The following CYSTM1 variants were observed in gnomAD, a reference collection of about 807,000 sequenced individuals.
The protein encoded by CYSTM1 is cysteine rich transmembrane module containing 1.
In CYSTM1, 4 loss-of-function variants were observed where a neutral mutation model predicts 13.1. That is an observed-to-expected ratio of 0.31 (90% CI 0.15 to 0.70). The LOEUF (loss-of-function observed/expected upper bound fraction) is 0.70. CYSTM1 is among the 30% of genes least tolerant of loss of function. The probability of loss-of-function intolerance (pLI) is 0.72; values close to 1 mark genes in which losing one functional copy is unlikely to be tolerated. For missense variants in CYSTM1, 96 were observed against 121.6 expected (o/e 0.79, Z 0.99); for synonymous variants, 36 against 42.7 (o/e 0.84, Z 0.62).
chr5:140,201,005 G>A (rs192800382), intron 2 of CYSTM1: 7 of 152,314 alleles, frequency 4.6e-5, no homozygotes, highest in Admixed American at 1.3e-4. Context: ...GTTGTAGCAT[G>A]TATCAATACT....
intron 1 of CYSTM1, among the ~76,000 whole-genome samples, chr5:140,178,164 G>T (rs542224545): frequency 2.6e-5 from 4 of 152,162 alleles, no homozygotes; most frequent in South Asian, 4.1e-4. Flanking sequence ...CAGGGCTGGG[G>T]TATGGGCTGG....
chr5:140,178,668 G>A (rs911597349), intron 1 of CYSTM1, among the ~76,000 whole-genome samples: 3 of 151,494 alleles, frequency 2.0e-5, no homozygotes, highest in African/African-American at 7.3e-5. Context: ...TGGTGTAATC[G>A]CAGCTCACTG....
intron 2 of CYSTM1, among the ~76,000 whole-genome samples, chr5:140,222,073 C>T (rs1031766583): frequency 1.3e-5 from 2 of 152,156 alleles, no homozygotes; most frequent in African/African-American, 4.8e-5. Context: ...TGACTTTGAC[C>T]CTTCTCTTTC....
intron 1 of CYSTM1, among the ~76,000 whole-genome samples, chr5:140,182,656 C>T (rs935399164): frequency 3.5e-4 from 53 of 151,420 alleles, no homozygotes; most frequent in African/African-American, 1.3e-3. Flanking sequence ...TCATCAATAA[C>T]CCAAACTACT....
intron 2 of CYSTM1, among the ~76,000 whole-genome samples, chr5:140,208,254 A>G (rs966928685): frequency 1.3e-5 from 2 of 152,254 alleles, no homozygotes; most frequent in Non-Finnish European, 2.9e-5. Context: ...GTGGAGTACT[A>G]TTCAGTCATA....
chr5:140,232,362 C>T (rs1764627138), intron 2 of CYSTM1, among the ~76,000 whole-genome samples: 1 of 151,930 alleles, frequency 6.6e-6, no homozygotes, highest in African/African-American at 2.4e-5. Context: ...AAACTGTGGC[C>T]GTGAGTAAGA....
chr5:140,235,137 T>C (rs1764665410), intron 2 of CYSTM1, among the ~76,000 whole-genome samples: 1 of 151,316 alleles, frequency 6.6e-6, no homozygotes, highest in Admixed American at 6.6e-5. Flanking sequence ...TGGCTAATTT[T>C]TATACTTTTT....
chr5:140,182,862 A>G (rs764185368), intron 1 of CYSTM1, among the ~76,000 whole-genome samples: 6 of 152,116 alleles, frequency 3.9e-5, no homozygotes, highest in Non-Finnish European at 7.4e-5. Context: ...AGCACATGAT[A>G]GGCATGAGTG....
intron 2 of CYSTM1, among the ~76,000 whole-genome samples, chr5:140,207,062 C>G (rs1309004050): frequency 6.6e-6 from 1 of 152,148 alleles, no homozygotes; most frequent in East Asian, 1.9e-4. Context: ...TGGAATGCCT[C>G]GGAAAAGTTT....
At chr5:140,208,100 A>G (rs1764318980) in intron 2 of CYSTM1, among the ~76,000 whole-genome samples, 1 of 152,228 alleles carries the variant, frequency 6.6e-6, no homozygotes, top group Non-Finnish European at 1.5e-5. Context: ...GTATTTACCC[A>G]AAAGGAAGGA....
At chr5:140,233,284 G>A (rs1042161840) in intron 2 of CYSTM1, among the ~76,000 whole-genome samples, 3 of 152,136 alleles carry the variant, frequency 2.0e-5, no homozygotes, top group Admixed American at 6.6e-5. Flanking sequence ...ACTGCCTTGC[G>A]AGCACAATCA....
chr5:140,178,532 C>T lies in CYSTM1; in HGVS notation c.-21+3247C>T, dbSNP rs138775228. ...CTCCTGGGTTCAAGTGATCCTCCCACCTCAACCCTGTGAGTAGCTGGGACT... is the reference window on the plus strand; with the variant it reads ...CTCCTGGGTTCAAGTGATCCTCCCATCTCAACCCTGTGAGTAGCTGGGACT... On this transcript the variant is annotated intron_variant, in intron 1 of 2. Coordinates refer to ENST00000261811, the MANE Select transcript of CYSTM1 (RefSeq NM_032412.4). Among the ~76,000 whole-genome samples the T allele has an allele frequency of 7.1e-3, 1,045 of 146,552 alleles. 5 individuals carry two copies. Among genetic ancestry groups the T allele is most frequent in the Non-Finnish European group, 0.013 (841 of 67,190 alleles).
intron 2 of CYSTM1, among the ~76,000 whole-genome samples, chr5:140,225,829 C>G (rs1764541392): frequency 1.3e-5 from 2 of 152,090 alleles, no homozygotes. Flanking sequence ...CTGTTCTGCT[C>G]TTCCTCTTCT....
intron 2 of CYSTM1, among the ~76,000 whole-genome samples, chr5:140,223,867 C>A (rs1457232428): frequency 6.6e-6 from 1 of 152,184 alleles, no homozygotes; most frequent in African/African-American, 2.4e-5. Context: ...GGTATGCAGC[C>A]AGTTCCTGGA....
intron 2 of CYSTM1, among the ~76,000 whole-genome samples, chr5:140,207,189 GAA>G (rs1491139842): frequency 6.6e-6 from 1 of 152,176 alleles, no homozygotes; most frequent in East Asian, 1.9e-4. Context: ...TTTGCTATGA[GAA>G]GAGAGAGAGA....
chr5:140,226,773 A>AAG (rs1212708305), intron 2 of CYSTM1, among the ~76,000 whole-genome samples: 1 of 149,102 alleles, frequency 6.7e-6, no homozygotes, highest in African/African-American at 2.5e-5. Context: ...TCTCAAAAAA[A>AAG]AAAAAAATGT....
At chr5:140,218,842 C>T (rs904113784) in intron 2 of CYSTM1, among the ~76,000 whole-genome samples, 1 of 152,202 alleles carries the variant, frequency 6.6e-6, no homozygotes, top group African/African-American at 2.4e-5. Flanking sequence ...AATAAAATCA[C>T]CGCTTTGGCA....
At chr5:140,176,830 G>A (rs1372237102) in intron 1 of CYSTM1, among the ~76,000 whole-genome samples, 2 of 152,136 alleles carry the variant, frequency 1.3e-5, no homozygotes, top group Non-Finnish European at 2.9e-5. Context: ...AGCACTTTGG[G>A]AGGCCGAGGC....
At chr5:140,205,657 A>C (rs1364577802) in intron 2 of CYSTM1, among the ~76,000 whole-genome samples, 2 of 152,202 alleles carry the variant, frequency 1.3e-5, no homozygotes, top group African/African-American at 2.4e-5. Flanking sequence ...TGTGATAAAG[A>C]ATAAATAAAG....
Sources: gnomAD v4.1 joint callset for allele counts (sites outside exome capture counted in the v4.1 genomes callset) on GRCh38, gnomAD v4.1.1 for gene constraint, MANE v1.5 for transcripts, NCBI Gene and HGNC (gene_info 2026-07-23, HGNC 2026-07-21) for gene names.